Variants in HCRTR2 observed in about 807,000 individuals in gnomAD.
The protein encoded by HCRTR2 is hypocretin receptor 2.
HCRTR2 carries 22 observed loss-of-function variants against 49.0 expected under a neutral mutation model. The observed-to-expected ratio is 0.45, with a 90% CI of 0.32 to 0.64. The LOEUF (loss-of-function observed/expected upper bound fraction) is 0.64, where lower values mean the gene tolerates loss of function less well. HCRTR2 is among the 30% of genes least tolerant of loss of function. The pLI, the probability that HCRTR2 is intolerant of heterozygous loss-of-function variation, is 0.04. For missense variants in HCRTR2, 491 were observed against 559.4 expected (o/e 0.88, Z 1.23); for synonymous variants, 236 against 205.3 (o/e 1.15, Z -1.28).
At chr6:55,144,248 G>C (rs896226134) in intron 1 of HCRTR2, among the ~76,000 whole-genome samples, 24 of 151,990 alleles carry the variant, frequency 1.6e-4, no homozygotes, top group African/African-American at 5.8e-4. Flanking sequence ...GAGTAGCTGG[G>C]ATTACAGGCA....
intron 1 of HCRTR2, among the ~76,000 whole-genome samples, chr6:55,223,135 T>C (rs1023691149): frequency 1.3e-5 from 2 of 152,210 alleles, no homozygotes; most frequent in Admixed American, 1.3e-4. Flanking sequence ...TTTGTTTTAG[T>C]TTGTTTCCCA....
chr6:55,204,881 G>T (rs1765574493), intron 1 of HCRTR2, among the ~76,000 whole-genome samples: 1 of 152,070 alleles, frequency 6.6e-6, no homozygotes. Context: ...GACCTCCTGG[G>T]CTGAAGTAAT....
At chr6:55,112,617 C>T (rs1004523512) in intron 1 of HCRTR2, among the ~76,000 whole-genome samples, 18 of 150,114 alleles carry the variant, frequency 1.2e-4, no homozygotes, top group African/African-American at 4.2e-4. Flanking sequence ...CAAGGAAAAC[C>T]TCAAAACACT....
chr6:55,151,385 C>T (rs774755499), intron 1 of HCRTR2, among the ~76,000 whole-genome samples: 10 of 152,016 alleles, frequency 6.6e-5, no homozygotes, highest in Non-Finnish European at 1.2e-4. Flanking sequence ...GTCATTTCAA[C>T]GGTGTTCACA....
intron 4 of HCRTR2, among the ~76,000 whole-genome samples, chr6:55,276,754 G>A (rs940491189): frequency 6.6e-6 from 1 of 152,182 alleles, no homozygotes; most frequent in Non-Finnish European, 1.5e-5. Context: ...CAATGGGTTT[G>A]TGTGCATTTT....
rs141761119 is a variant in HCRTR2, at chr6:55,136,604, C to A, written c.-378+30059C>A. On this transcript the variant is annotated intron_variant, in intron 1 of 7. Transcript: ENST00000615358. The stretch of plus-strand genomic sequence containing the variant: ...AAATAGATAAAATATATTATATCAT[C>A]TTGGTTTTAGGAAGGAATAAAATAA... 1.5e-3 allele frequency among the ~76,000 whole-genome samples: 226 copies of A among 152,252 alleles called. 1 individual carries two copies. Among genetic ancestry groups the A allele is most frequent in the African/African-American group, 4.9e-3 (203 of 41,558 alleles).
chr6:55,232,946 T>G (rs1766142319), intron 1 of HCRTR2, among the ~76,000 whole-genome samples: 1 of 152,244 alleles, frequency 6.6e-6, no homozygotes, highest in African/African-American at 2.4e-5. Flanking sequence ...ATTAGGCTTT[T>G]TTATTTCAGA....
At chr6:55,209,152 T>C (rs1484794298) in intron 1 of HCRTR2, among the ~76,000 whole-genome samples, 3 of 152,174 alleles carry the variant, frequency 2.0e-5, no homozygotes, top group Non-Finnish European at 4.4e-5. Context: ...AATTACGTTC[T>C]ACTGTATATT....
Position 55,110,765 on chromosome 6 carries a change from G to C in HCRTR2, c.-378+4220G>C, listed in dbSNP as rs148820775. Among the ~76,000 whole-genome samples the C allele has an allele frequency of 5.0e-4, 76 of 151,872 alleles. 1 individual carries two copies. The East Asian group carries it at 0.015, about 29-fold the overall frequency. On this transcript the variant is annotated intron_variant, in intron 1 of 7. Transcript: ENST00000615358. ...GTAAACCTAAGAAATGAGATAGACA[G>C]AAAACAATAGTGGGAGACTTCAATA...
intron 3 of HCRTR2, 80 bp downstream of exon 3, chr6:55,255,459 G>C (rs1470051988): frequency 4.0e-6 from 6 of 1,506,170 alleles, no homozygotes; most frequent in South Asian, 3.4e-5. Flanking sequence ...CCATTGTAAA[G>C]CTGGGCTTAT....
At chr6:55,220,804 A>G in intron 1 of HCRTR2, among the ~76,000 whole-genome samples, 1 of 152,202 alleles carries the variant, frequency 6.6e-6, no homozygotes, top group East Asian at 1.9e-4. Flanking sequence ...TATATGTAGA[A>G]AATTCTAAAA....
chr6:55,108,403 C>T lies in HCRTR2; in HGVS notation c.-378+1858C>T, dbSNP rs187217573. ...AGAAGCAGCTTGTTGCTGCAAACTC[C>T]GAGAGACAGCTGAAAAGCTGTGAGT... On this transcript the variant is annotated intron_variant, in intron 1 of 7. Coordinates refer to the HCRTR2 transcript ENST00000615358. 1.5e-4 allele frequency among the ~76,000 whole-genome samples: 23 copies of T among 152,086 alleles called. No homozygotes were observed. The South Asian group carries it at 2.5e-3, about 16-fold the overall frequency.
At position 55,255,356 on chromosome 6, in the gene HCRTR2, C is replaced by A; in HGVS notation, c.623C>A (p.Thr208Lys). Residue 208 changes from threonine (T) to lysine (K), a missense_variant, in exon 3 of 7, where the codon ACG becomes AAG. Thr to Lys is a moderately conservative substitution (Grantham distance 78). Coordinates refer to ENST00000370862, the MANE Select transcript of HCRTR2 (RefSeq NM_001384272.1). ...PGLANKTTLF[T>K]VCDERWGGEI... ...TTAGCCAATAAAACCACCCTCTTTA[C>A]GGTGTGTGATGAGCGCTGGGGTGGT... 1 of 1,613,988 alleles carries A rather than the reference C, an allele frequency of 6.2e-7. No homozygotes were observed. Among genetic ancestry groups the A allele is most frequent in the Non-Finnish European group, 8.5e-7 (1 of 1,179,942 alleles).
chr6:55,127,192 C>T (rs536225287), intron 1 of HCRTR2, among the ~76,000 whole-genome samples: 1 of 152,200 alleles, frequency 6.6e-6, no homozygotes, highest in South Asian at 2.1e-4. Flanking sequence ...AACCCAGGGC[C>T]CTGGTGGGGT....
At chr6:55,152,420 TA>T (rs950004257) in intron 1 of HCRTR2, among the ~76,000 whole-genome samples, 10 of 152,058 alleles carry the variant, frequency 6.6e-5, no homozygotes, top group Admixed American at 2.0e-4. Flanking sequence ...TTTTAATTGG[TA>T]TTTTTTTGTT....
chr6:55,222,845 C>G (rs1202133900), intron 1 of HCRTR2, among the ~76,000 whole-genome samples: 1 of 152,038 alleles, frequency 6.6e-6, no homozygotes, highest in Non-Finnish European at 1.5e-5. Flanking sequence ...TGAAAAAGCT[C>G]TAAAGATCTG....
At position 55,282,451 on chromosome 6, in the gene HCRTR2, G is replaced by A. The variant is rs1337813263; in HGVS notation, c.1332G>A (p.Trp444Ter). 15 of 1,521,784 alleles carry A rather than the reference G, an allele frequency of 9.9e-6. No individual in the cohort carries two copies. The highest frequency in any genetic ancestry group is 1.4e-5 in the Non-Finnish European group (15 of 1,097,316). 94.3% of individuals were successfully genotyped at this position (1,521,784 alleles called of 1,614,324 possible). A position where few individuals can be genotyped will look rare whatever the true frequency, so the allele number is the denominator to read the frequency against. ...AANGAGPLQNW is the reference protein window; with the variant it reads ...AANGAGPLQN Reference sequence around the variant, plus strand: ...ATGGAGCAGGACCACTTCAAAACTGGTAGAATATTTATTCATATGACAAGG... The same window carrying A: ...ATGGAGCAGGACCACTTCAAAACTGATAGAATATTTATTCATATGACAAGG... Residue 444 changes from tryptophan (W) to a stop codon, truncating the protein, a stop_gained, in exon 7 of 7, where the codon TGG becomes TGA. Coordinates refer to ENST00000370862, the MANE Select transcript of HCRTR2 (RefSeq NM_001384272.1). LOFTEE classifies it high-confidence loss of function.
chr6:55,193,297 A>G (rs1303782818), intron 1 of HCRTR2, among the ~76,000 whole-genome samples: 2 of 152,208 alleles, frequency 1.3e-5, no homozygotes, highest in Admixed American at 1.3e-4. Flanking sequence ...TAAACAGAGT[A>G]CTGTGGTCTA....
intron 2 of HCRTR2, among the ~76,000 whole-genome samples, chr6:55,254,625 T>G (rs544453097): frequency 3.3e-5 from 5 of 152,252 alleles, no homozygotes; most frequent in African/African-American, 1.2e-4. Flanking sequence ...CCTTATTATT[T>G]GAAAATATGA....
Sources: allele counts gnomAD v4.1 joint callset (sites outside exome capture counted in the v4.1 genomes callset), GRCh38; gene constraint gnomAD v4.1.1; transcripts MANE v1.5; gene names NCBI Gene and HGNC (gene_info 2026-07-23, HGNC 2026-07-21).